The following SNX6 variants were observed in gnomAD, a reference collection of about 807,000 sequenced individuals.
The protein encoded by SNX6 is sorting nexin-6.
A neutral mutation model predicts 63.0 loss-of-function variants in SNX6; 34 were observed. That is an observed-to-expected ratio of 0.54 (90% CI 0.41 to 0.72). The LOEUF (loss-of-function observed/expected upper bound fraction) is 0.72, where lower values mean the gene tolerates loss of function less well. SNX6 is among the 30% of genes least tolerant of loss of function. The pLI, the probability that SNX6 is intolerant of heterozygous loss-of-function variation, is 0.00. For synonymous variants in SNX6, 170 were observed against 164.2 expected, an observed-to-expected ratio of 1.04 and a Z score of -0.27; for missense variants, 398 against 471.4, an observed-to-expected ratio of 0.84 and a Z score of 1.44.
intron 2 of SNX6, 27 bp from the exon 3 acceptor site, chr14:34,609,769 T>G: frequency 7.1e-7 from 1 of 1,407,766 alleles, no homozygotes; most frequent in Non-Finnish European, 9.9e-7. Context: ...AGTATCTTCA[T>G]GAAAATCATG....
intron 2 of SNX6, among the ~76,000 whole-genome samples, chr14:34,614,157 C>A (rs1883335631): frequency 6.6e-6 from 1 of 151,496 alleles, no homozygotes; most frequent in Admixed American, 6.6e-5. Flanking sequence ...CTGGGTGTAG[C>A]AGCTCACACC....
At chr14:34,623,826 T>C (rs1048493434) in intron 2 of SNX6, among the ~76,000 whole-genome samples, 1 of 152,188 alleles carries the variant, frequency 6.6e-6, no homozygotes, top group East Asian at 1.9e-4. Flanking sequence ...AAGTAATTCT[T>C]GAAAACAATA....
intron 2 of SNX6, among the ~76,000 whole-genome samples, chr14:34,627,521 G>C (rs1263253214): frequency 6.6e-6 from 1 of 151,762 alleles, no homozygotes; most frequent in Admixed American, 6.6e-5. Flanking sequence ...TTGTTGCCCA[G>C]GCTGGAGTGC....
chr14:34,577,977 G>A (rs1881776244), intron 10 of SNX6, among the ~76,000 whole-genome samples: 1 of 152,194 alleles, frequency 6.6e-6, no homozygotes, highest in Non-Finnish European at 1.5e-5. Context: ...GACAAGGCAG[G>A]TGGATCATTT....
chr14:34,610,480 G>C (rs745876053), intron 2 of SNX6, among the ~76,000 whole-genome samples: 1 of 149,660 alleles, frequency 6.7e-6, no homozygotes, highest in African/African-American at 2.5e-5. Context: ...ACAATAATAA[G>C]AAGACTATCA....
At chr14:34,565,268 G>A (rs942613804) in intron 13 of SNX6, among the ~76,000 whole-genome samples, 8 of 151,516 alleles carry the variant, frequency 5.3e-5, no homozygotes, top group South Asian at 2.1e-4. Context: ...TAGTAGAGAC[G>A]GGGTTTCACC....
rs777426040 is a variant in SNX6 at position 34,567,842 on chromosome 14, A to C, written c.1081+12T>G. ...AAGCATATCTTGTGATTAAAGGTTAACGTAACAGTACCTTGTTTTGCAGAC... is the reference window on the plus strand; with the variant it reads ...AAGCATATCTTGTGATTAAAGGTTACCGTAACAGTACCTTGTTTTGCAGAC... On this transcript the variant is annotated intron_variant, in intron 12 of 13. Transcript: ENST00000362031. 1.2e-6 allele frequency: 2 copies of C among 1,613,820 alleles called. No individual in the cohort carries two copies. Among genetic ancestry groups the C allele is most frequent in the Non-Finnish European group, 8.5e-7 (1 of 1,179,878 alleles).
At chr14:34,598,354 A>G (rs7157392) in intron 6 of SNX6, among the ~76,000 whole-genome samples, 58,474 of 152,014 alleles carry the variant, frequency 0.38, 11,716 homozygotes, top group Non-Finnish European at 0.43. Context: ...ACTACCTGCT[A>G]TGGTCTGAAT....
chr14:34,616,646 G>C (rs1055189916), intron 2 of SNX6, among the ~76,000 whole-genome samples: 2 of 152,152 alleles, frequency 1.3e-5, no homozygotes, highest in Non-Finnish European at 2.9e-5. Context: ...TATTACAGGT[G>C]TGAGATTTAG....
intron 6 of SNX6, among the ~76,000 whole-genome samples, chr14:34,600,993 G>C: frequency 6.6e-6 from 1 of 151,722 alleles, no homozygotes; most frequent in Non-Finnish European, 1.5e-5. Flanking sequence ...ACTCCAGCCT[G>C]GGCGACAGAG....
intron 4 of SNX6, 51 bp from the exon 5 acceptor site, chr14:34,605,768 CATT>C: frequency 6.3e-7 from 1 of 1,577,010 alleles, no homozygotes; most frequent in Non-Finnish European, 8.6e-7. Context: ...TTTCTTGAAG[CATT>C]GTACTACTGC....
chr14:34,567,651 T>C (rs756167870), intron 13 of SNX6, 35 bp downstream of exon 13: 3 of 1,491,578 alleles, frequency 2.0e-6, no homozygotes, highest in Admixed American at 3.4e-5. Context: ...ATATTACATG[T>C]AACTTAAATT....
chr14:34,585,786 G>A (rs1482232981), intron 9 of SNX6, among the ~76,000 whole-genome samples: 1 of 151,990 alleles, frequency 6.6e-6, no homozygotes, highest in Non-Finnish European at 1.5e-5. Flanking sequence ...TTTTTTGGTA[G>A]AGATAGGGTT....
chr14:34,619,767 C>T (rs1883557669), intron 2 of SNX6, among the ~76,000 whole-genome samples: 1 of 152,192 alleles, frequency 6.6e-6, no homozygotes, highest in Non-Finnish European at 1.5e-5. Context: ...CCCTCTGCTT[C>T]ACTCCATGAA....
At chr14:34,597,178 A>T (rs1882638600) in intron 7 of SNX6, among the ~76,000 whole-genome samples, 2 of 152,196 alleles carry the variant, frequency 1.3e-5, no homozygotes, top group Non-Finnish European at 2.9e-5. Context: ...GCCCCATGGT[A>T]ACCCCTTAAC....
At position 34,603,381 on chromosome 14, in the gene SNX6, T is replaced by C; in HGVS notation, c.483A>G (p.Leu161=). The C allele has an allele frequency of 6.2e-7, 1 of 1,611,114 alleles. No individual in the cohort carries two copies. ...TATATTCCAAGAAGACATGGAAATTTAAATCTCTTCTCAAAATAGGATGTG... is the reference window on the plus strand; with the variant it reads ...TATATTCCAAGAAGACATGGAAATTCAAATCTCTTCTCAAAATAGGATGTG... ...VAAHPILRRD[L]NFHVFLEYNQ... is the part of the protein sequence containing the mutation. The change falls in exon 6 of 14, where the codon TTA becomes TTG. Residue 161 remains leucine (L), a synonymous_variant. Coordinates refer to ENST00000362031, the MANE Select transcript of SNX6 (RefSeq NM_152233.4).
intron 11 of SNX6, among the ~76,000 whole-genome samples, chr14:34,568,288 T>C (rs1013139134): frequency 6.6e-6 from 1 of 151,304 alleles, no homozygotes; most frequent in Non-Finnish European, 1.5e-5. Context: ...TGGAGTGCAG[T>C]GGCGCGATCT....
chr14:34,606,249 T>G lies in SNX6; in HGVS notation c.271-532A>C, dbSNP rs1328595573. Among the ~76,000 whole-genome samples, 5 of 146,764 alleles carry G rather than the reference T, an allele frequency of 3.4e-5. No individual in the cohort carries two copies. The South Asian group carries it at 1.1e-3, about 32-fold the overall frequency. ...TCTTGCTCTGTTTCCCAGGCTGGAGTAGCTGGGATTATAAGCGCACGACAC... is the reference window on the plus strand; with the variant it reads ...TCTTGCTCTGTTTCCCAGGCTGGAGGAGCTGGGATTATAAGCGCACGACAC... On this transcript the variant is annotated intron_variant, in intron 4 of 13. Transcript: ENST00000362031.
chr14:34,611,374 G>T (rs941783715), intron 2 of SNX6, among the ~76,000 whole-genome samples: 2 of 152,100 alleles, frequency 1.3e-5, no homozygotes, highest in African/African-American at 4.8e-5. Flanking sequence ...TACTTGGGAG[G>T]CTGAGGTGTG....
Sources: gnomAD v4.1 joint callset for allele counts (sites outside exome capture counted in the v4.1 genomes callset) on GRCh38, gnomAD v4.1.1 for gene constraint, MANE v1.5 for transcripts, NCBI Gene and HGNC (gene_info 2026-07-23, HGNC 2026-07-21) for gene names.